SCHIP1: variants seen among roughly 807,000 people sequenced by gnomAD.
SCHIP1 encodes the protein schwannomin-interacting protein 1.
SCHIP1 carries 8 observed loss-of-function variants against 29.7 expected under a neutral mutation model. The ratio of observed to expected loss-of-function variants is 0.27; its 90% CI spans 0.16 to 0.49. The LOEUF is 0.49. Ranked by LOEUF, SCHIP1 falls within the 20% of genes least tolerant of loss-of-function variation. The pLI, the probability that SCHIP1 is intolerant of heterozygous loss-of-function variation, is 0.99. For synonymous variants in SCHIP1, 76 were observed against 94.9 expected (o/e 0.80, Z 1.16); for missense variants, 193 against 294.6 (o/e 0.66, Z 2.52).
chr3:159,454,379 T>A, the SCHIP1 span, among the ~76,000 whole-genome samples: 1 of 151,994 alleles, frequency 6.6e-6, no homozygotes, highest in South Asian at 2.1e-4. Context: ...CTGCATTGGG[T>A]GTGGTGGCCA....
At chr3:159,823,823 C>T in the SCHIP1 span, among the ~76,000 whole-genome samples, 2 of 152,122 alleles carry the variant, frequency 1.3e-5, no homozygotes, top group Admixed American at 6.5e-5. Flanking sequence ...TCTGCTGTTA[C>T]CACCCTAAAA....
the SCHIP1 span, among the ~76,000 whole-genome samples, chr3:159,583,053 A>G: frequency 3.9e-4 from 59 of 152,246 alleles, no homozygotes; most frequent in African/African-American, 1.4e-3. Context: ...CTCCAGCAAC[A>G]TTTCTGAAAA....
chr3:159,307,183 A>T, the SCHIP1 span, among the ~76,000 whole-genome samples: 2 of 152,252 alleles, frequency 1.3e-5, no homozygotes, highest in Admixed American at 6.5e-5. Flanking sequence ...TGAAAAAATT[A>T]GAGCAGGACA....
chr3:159,428,524 A>G, the SCHIP1 span, among the ~76,000 whole-genome samples: 2 of 152,204 alleles, frequency 1.3e-5, no homozygotes, highest in Non-Finnish European at 2.9e-5. Flanking sequence ...TAGAATGGCA[A>G]TCATTAAAAG....
chr3:159,331,125 G>A, the SCHIP1 span, among the ~76,000 whole-genome samples: 1 of 152,178 alleles, frequency 6.6e-6, no homozygotes, highest in Non-Finnish European at 1.5e-5. Context: ...TGGTAGGGGA[G>A]GGAAGATGTG....
the SCHIP1 span, among the ~76,000 whole-genome samples, chr3:159,788,834 A>G: frequency 2.0e-5 from 3 of 152,156 alleles, no homozygotes; most frequent in Admixed American, 6.5e-5. Flanking sequence ...AGGGTATAAT[A>G]TATATATAAT....
At chr3:159,390,243 G>A in the SCHIP1 span, among the ~76,000 whole-genome samples, 308 of 152,166 alleles carry the variant, frequency 2.0e-3, no homozygotes, top group African/African-American at 6.8e-3. Flanking sequence ...CAATACTAAA[G>A]TGGTTAACTT....
At chr3:159,843,558 CG>C (rs944209729) in intron 1 of SCHIP1, among the ~76,000 whole-genome samples, 15 of 151,914 alleles carry the variant, frequency 9.9e-5, no homozygotes, top group African/African-American at 3.6e-4. Context: ...TGGTGGCTCA[CG>C]CCTGTAATCC....
the SCHIP1 span, among the ~76,000 whole-genome samples, chr3:159,517,333 A>G: frequency 6.6e-6 from 1 of 152,298 alleles, no homozygotes; most frequent in South Asian, 2.1e-4. Context: ...AAGAAAGATA[A>G]GTGTTTCCAA....
At chr3:159,421,308 G>A in the SCHIP1 span, among the ~76,000 whole-genome samples, 1 of 152,182 alleles carries the variant, frequency 6.6e-6, no homozygotes, top group Non-Finnish European at 1.5e-5. Context: ...CTGTATCATG[G>A]AAGTCTAGAA....
chr3:159,640,818 A>G, the SCHIP1 span, among the ~76,000 whole-genome samples: 4 of 152,138 alleles, frequency 2.6e-5, no homozygotes, highest in African/African-American at 7.2e-5. Context: ...GATGCTGTGG[A>G]AAGATCAGCT....
the SCHIP1 span, among the ~76,000 whole-genome samples, chr3:159,282,984 A>G: frequency 5.9e-5 from 9 of 151,996 alleles, no homozygotes; most frequent in South Asian, 2.1e-4. Flanking sequence ...AGACTTTAAT[A>G]GCAATTGCAT....
At chr3:159,748,527 C>T in the SCHIP1 span, among the ~76,000 whole-genome samples, 1 of 152,206 alleles carries the variant, frequency 6.6e-6, no homozygotes, top group Non-Finnish European at 1.5e-5. Context: ...CCCTTTGGCC[C>T]CATGTGCCAG....
chr3:159,357,650 A>AT, the SCHIP1 span, among the ~76,000 whole-genome samples: 1 of 152,212 alleles, frequency 6.6e-6, no homozygotes, highest in African/African-American at 2.4e-5. Context: ...TAGAGTCACC[A>AT]TATTTACTTC....
the SCHIP1 span, among the ~76,000 whole-genome samples, chr3:159,499,827 T>G: frequency 2.0e-5 from 3 of 152,242 alleles, no homozygotes; most frequent in Admixed American, 2.0e-4. Flanking sequence ...ACACCCATTT[T>G]ATAAATGAGG....
At chr3:159,516,013 G>A in the SCHIP1 span, among the ~76,000 whole-genome samples, 2 of 151,934 alleles carry the variant, frequency 1.3e-5, no homozygotes, top group African/African-American at 4.8e-5. Context: ...TTTGGATAGG[G>A]GAGTGAGGAA....
chr3:159,530,629 C>T, the SCHIP1 span, among the ~76,000 whole-genome samples: 3 of 152,110 alleles, frequency 2.0e-5, no homozygotes, highest in African/African-American at 4.8e-5. Flanking sequence ...TTGACCTTCG[C>T]TCTACCCTGT....
At chr3:159,666,264 C>G in the SCHIP1 span, among the ~76,000 whole-genome samples, 1 of 152,176 alleles carries the variant, frequency 6.6e-6, no homozygotes, top group East Asian at 1.9e-4. Flanking sequence ...ATAATCTGCA[C>G]AGCTATACGT....
the SCHIP1 span, among the ~76,000 whole-genome samples, chr3:159,455,769 G>A: frequency 6.6e-6 from 1 of 152,192 alleles, no homozygotes; most frequent in South Asian, 2.1e-4. Context: ...GGGTTGAGAG[G>A]CCAGGATGCC....
Sources: gnomAD v4.1 joint callset for allele counts (sites outside exome capture counted in the v4.1 genomes callset) on GRCh38, gnomAD v4.1.1 for gene constraint, MANE v1.5 for transcripts, NCBI Gene and HGNC (gene_info 2026-07-23, HGNC 2026-07-21) for gene names.